Variants in ANKFN1 observed in about 807,000 individuals in gnomAD.
ANKFN1 encodes the protein ankyrin repeat and fibronectin type-III domain-containing protein 1.
In ANKFN1, 74 loss-of-function variants were observed where a neutral mutation model predicts 108.7. The observed-to-expected ratio is 0.68, with a 90% CI of 0.56 to 0.83. ANKFN1 has a LOEUF of 0.83. ANKFN1 is among the 40% of genes least tolerant of loss of function. The pLI is 0.00. For synonymous variants in ANKFN1, 547 were observed against 516.2 expected (o/e 1.06, Z -0.81); for missense variants, 1,505 against 1,382.3 (o/e 1.09, Z -1.41).
At chr17:56,079,932 ATAAAT>A (rs924689045) in intron 4 of ANKFN1, among the ~76,000 whole-genome samples, 18 of 152,342 alleles carry the variant, frequency 1.2e-4, no homozygotes, top group African/African-American at 4.3e-4. Flanking sequence ...TTTATAATAA[ATAAAT>A]TAAAAGACAT....
At chr17:56,047,362 G>C (rs890834954) in intron 4 of ANKFN1, among the ~76,000 whole-genome samples, 1 of 152,170 alleles carries the variant, frequency 6.6e-6, no homozygotes, top group South Asian at 2.1e-4. Context: ...GGGGGAAAGG[G>C]GGAGAACGAA....
chr17:56,047,071 T>G (rs1470198707), intron 4 of ANKFN1, among the ~76,000 whole-genome samples: 2 of 152,206 alleles, frequency 1.3e-5, no homozygotes, highest in African/African-American at 4.8e-5. Context: ...AAGAATGATT[T>G]TGCTGTAAAG....
At chr17:56,501,780 G>A (rs1454856176) in intron 20 of ANKFN1, among the ~76,000 whole-genome samples, 1 of 152,034 alleles carries the variant, frequency 6.6e-6, no homozygotes, top group African/African-American at 2.4e-5. Context: ...GACTAAGAAG[G>A]AACAACCAGA....
intron 19 of ANKFN1, among the ~76,000 whole-genome samples, chr17:56,495,735 T>C (rs886881546): frequency 3.3e-5 from 5 of 152,192 alleles, no homozygotes; most frequent in South Asian, 2.1e-4. Flanking sequence ...ATAATTTATA[T>C]ACTGTAATGC....
chr17:56,283,524 G>GATATATATATAT lies in ANKFN1; in HGVS notation c.54-42694_54-42683dup, dbSNP rs567333825. ...ATCAACAAATGGATAAAGAAACTGT[G>GATATATATATAT]ATATATATATATATGATGGAATACT... On this transcript the variant is annotated intron_variant, in intron 3 of 20. Coordinates refer to ENST00000682825, the MANE Select transcript of ANKFN1 (RefSeq NM_001370326.1). Among the ~76,000 whole-genome samples the GATATATATATAT allele has an allele frequency of 1.5e-4, 21 of 141,600 alleles. 3 individuals carry two copies. Among genetic ancestry groups the GATATATATATAT allele is most frequent in the African/African-American group, 6.3e-4 (21 of 33,380 alleles). The allele number at this position is 141,600 out of a possible 152,430, so 92.9% of individuals were successfully genotyped here. A position where few individuals can be genotyped will look rare whatever the true frequency, so the allele number is the denominator to read the frequency against.
At chr17:56,392,880 G>A (rs1489394443) in intron 8 of ANKFN1, among the ~76,000 whole-genome samples, 1 of 152,030 alleles carries the variant, frequency 6.6e-6, no homozygotes, top group Middle Eastern at 3.4e-3. Flanking sequence ...TATATGCCTC[G>A]CATTGTGCCA....
upstream of ANKFN1, among the ~76,000 whole-genome samples, chr17:56,150,538 T>C (rs1340302930): frequency 6.6e-6 from 1 of 152,174 alleles, no homozygotes; most frequent in Non-Finnish European, 1.5e-5. Flanking sequence ...ATGGTATTGG[T>C]TTAAGCAGAA....
At chr17:56,116,557 G>C (rs1295430756) in intron 4 of ANKFN1, among the ~76,000 whole-genome samples, 1 of 152,042 alleles carries the variant, frequency 6.6e-6, no homozygotes, top group Non-Finnish European at 1.5e-5. Flanking sequence ...AAAACTGGTT[G>C]TTGAAAAAAG....
intron 3 of ANKFN1, among the ~76,000 whole-genome samples, chr17:56,240,356 T>G (rs1402698446): frequency 6.6e-6 from 1 of 152,156 alleles, no homozygotes; most frequent in Non-Finnish European, 1.5e-5. Context: ...TTTATCCAAC[T>G]GAACATGTGG....
intron 6 of ANKFN1, among the ~76,000 whole-genome samples, chr17:56,355,453 G>T (rs553749347): frequency 7.0e-4 from 106 of 152,266 alleles, no homozygotes; most frequent in African/African-American, 2.2e-3. Context: ...TGGGTCCAAA[G>T]CAAAGTAGCA....
chr17:56,225,648 C>T (rs1437843754), intron 2 of ANKFN1, among the ~76,000 whole-genome samples: 1 of 152,194 alleles, frequency 6.6e-6, no homozygotes, highest in Non-Finnish European at 1.5e-5. Context: ...CTCTCTTTCT[C>T]CTTTAAGAAT....
chr17:56,441,155 G>A (rs542625046), intron 9 of ANKFN1, among the ~76,000 whole-genome samples: 332 of 152,154 alleles, frequency 2.2e-3, no homozygotes, highest in Non-Finnish European at 2.3e-3. Context: ...AAATGCAAAA[G>A]ATAAAATTCT....
At chr17:56,082,973 T>C (rs758388350) in intron 4 of ANKFN1, among the ~76,000 whole-genome samples, 3 of 151,364 alleles carry the variant, frequency 2.0e-5, no homozygotes, top group Non-Finnish European at 3.0e-5. Flanking sequence ...TTTTATACCA[T>C]GTAGAACAAA....
intron 3 of ANKFN1, among the ~76,000 whole-genome samples, chr17:56,285,712 G>A (rs570084837): frequency 1.9e-3 from 296 of 152,092 alleles, no homozygotes; most frequent in Non-Finnish European, 3.6e-3. Context: ...CTCTTCCTCG[G>A]TTTCCTCCCA....
chr17:56,081,478 G>C (rs981137194), intron 4 of ANKFN1, among the ~76,000 whole-genome samples: 9 of 151,896 alleles, frequency 5.9e-5, no homozygotes, highest in African/African-American at 2.2e-4. Context: ...TCAGCCTCCA[G>C]AGTGGCTGGG....
chr17:56,131,828 G>A (rs1452443013), intron 4 of ANKFN1, among the ~76,000 whole-genome samples: 3 of 152,148 alleles, frequency 2.0e-5, no homozygotes, highest in Non-Finnish European at 4.4e-5. Flanking sequence ...TTTGAGACCA[G>A]CCTGGACAAC....
At chr17:56,063,906 C>A (rs977316077) in intron 4 of ANKFN1, among the ~76,000 whole-genome samples, 7 of 152,068 alleles carry the variant, frequency 4.6e-5, no homozygotes, top group Non-Finnish European at 8.8e-5. Context: ...GGCTGCTGAC[C>A]CTTGGATAGA....
intron 4 of ANKFN1, among the ~76,000 whole-genome samples, chr17:56,134,149 G>T (rs1305459574): frequency 1.3e-5 from 2 of 152,114 alleles, no homozygotes; most frequent in East Asian, 1.9e-4. Flanking sequence ...ATTAATAAAG[G>T]ATATAATAAA....
chr17:56,183,940 T>C (rs909387754), intron 1 of ANKFN1, among the ~76,000 whole-genome samples: 2 of 152,236 alleles, frequency 1.3e-5, no homozygotes, highest in Admixed American at 6.5e-5. Flanking sequence ...CATCTCATGA[T>C]ACATCTTGAA....
Sources: gnomAD v4.1 joint callset for allele counts (sites outside exome capture counted in the v4.1 genomes callset) on GRCh38, gnomAD v4.1.1 for gene constraint, MANE v1.5 for transcripts, NCBI Gene and HGNC (gene_info 2026-07-23, HGNC 2026-07-21) for gene names.